Variants in IL1RAPL1 observed in about 807,000 individuals in gnomAD.
The protein encoded by IL1RAPL1 is interleukin-1 receptor accessory protein-like 1.
In IL1RAPL1, 3 loss-of-function variants were observed where a neutral mutation model predicts 48.4. The ratio of observed to expected loss-of-function variants is 0.06; its 90% CI spans 0.03 to 0.16. The LOEUF is 0.16. Among genes scored for constraint, IL1RAPL1 ranks in the 10% least tolerant of loss-of-function variants. The pLI is 1.00. For missense variants in IL1RAPL1, 349 were observed against 530.6 expected (o/e 0.66, Z 3.36); for synonymous variants, 185 against 187.7 (o/e 0.99, Z 0.12).
At chrX:28,801,355 A>G (rs1936673288) in intron 2 of IL1RAPL1, among the ~76,000 whole-genome samples, 1 of 111,400 alleles carries the variant, frequency 9.0e-6, no homozygotes, top group Non-Finnish European at 1.9e-5. Context: ...TTTTTTTCCA[A>G]TCAAAAACTT....
intron 5 of IL1RAPL1, among the ~76,000 whole-genome samples, chrX:29,666,532 C>G (rs956102008): frequency 4.7e-5 from 5 of 107,404 alleles, no homozygotes; most frequent in African/African-American, 1.7e-4. Context: ...TAAAGAATTC[C>G]TTTACTAACA....
intron 2 of IL1RAPL1, among the ~76,000 whole-genome samples, chrX:29,057,038 G>A (rs1013728814): frequency 1.8e-5 from 2 of 111,747 alleles, no homozygotes; most frequent in Non-Finnish European, 3.8e-5. Flanking sequence ...TATACCCGTG[G>A]GGTAATTTCT....
At chrX:29,233,076 G>C (rs1032370646) in intron 2 of IL1RAPL1, among the ~76,000 whole-genome samples, 2 of 111,683 alleles carry the variant, frequency 1.8e-5, no homozygotes, top group Admixed American at 1.9e-4. Flanking sequence ...TGAAATTACA[G>C]GTGTGAGCCA....
At chrX:29,578,732 G>A (rs1210167529) in intron 5 of IL1RAPL1, among the ~76,000 whole-genome samples, 15 of 111,385 alleles carry the variant, frequency 1.3e-4, no homozygotes, top group Non-Finnish European at 9.4e-5. Context: ...TTATAATCTT[G>A]TACCTCTAGT....
chrX:28,612,950 A>G (rs1458750541), intron 1 of IL1RAPL1, among the ~76,000 whole-genome samples: 1 of 112,069 alleles, frequency 8.9e-6, no homozygotes, highest in Non-Finnish European at 1.9e-5. Context: ...TGGCAATGCT[A>G]TCAAAAATAT....
chrX:29,160,982 C>A (rs998111743), intron 2 of IL1RAPL1, among the ~76,000 whole-genome samples: 2 of 110,128 alleles, frequency 1.8e-5, no homozygotes, highest in Admixed American at 1.9e-4. Context: ...CGCTTGAGCC[C>A]GGGAGGCGGA....
At chrX:29,122,574 C>T (rs748575926) in intron 2 of IL1RAPL1, among the ~76,000 whole-genome samples, 1 of 108,407 alleles carries the variant, frequency 9.2e-6, no homozygotes, top group African/African-American at 3.4e-5. Flanking sequence ...TTTCAGGCTC[C>T]TAGGAAAGCA....
At chrX:29,180,397 A>G (rs1930120091) in intron 2 of IL1RAPL1, among the ~76,000 whole-genome samples, 1 of 109,753 alleles carries the variant, frequency 9.1e-6, no homozygotes, top group African/African-American at 3.3e-5. Context: ...ATTTTTTGAG[A>G]TGGAGTTTTG....
At chrX:29,845,482 G>T (rs1007648548) in intron 6 of IL1RAPL1, among the ~76,000 whole-genome samples, 1 of 111,588 alleles carries the variant, frequency 9.0e-6, no homozygotes, top group Non-Finnish European at 1.9e-5. Context: ...CTGAAATGTA[G>T]TGTTTCTGGG....
chrX:28,804,339 G>C lies in IL1RAPL1; in HGVS notation c.82+14914G>C, dbSNP rs1339782354. Among the ~76,000 whole-genome samples the C allele has an allele frequency of 2.7e-5, 3 of 111,675 alleles. No homozygotes were observed. In the Admixed American group the frequency reaches 2.9e-4, roughly 11 times the overall value. Reference sequence around the variant, plus strand: ...ACCTTGCAAAAAATAAGTGATATGAGATATCATACATGTATAGTATATTAC... The same window carrying C: ...ACCTTGCAAAAAATAAGTGATATGACATATCATACATGTATAGTATATTAC... On this transcript the variant is annotated intron_variant, in intron 2 of 10. Coordinates refer to ENST00000378993, the MANE Select transcript of IL1RAPL1 (RefSeq NM_014271.4).
At chrX:29,628,707 C>T (rs1000634517) in intron 5 of IL1RAPL1, among the ~76,000 whole-genome samples, 1 of 112,039 alleles carries the variant, frequency 8.9e-6, no homozygotes, top group Non-Finnish European at 1.9e-5. Context: ...CTTTCTATCC[C>T]GTTGGGTTAC....
chrX:29,108,887 A>T (rs1259019009), intron 2 of IL1RAPL1, among the ~76,000 whole-genome samples: 2 of 111,609 alleles, frequency 1.8e-5, no homozygotes, highest in African/African-American at 3.3e-5. Context: ...TTCAATGAAG[A>T]TTCATGAAAA....
intron 2 of IL1RAPL1, among the ~76,000 whole-genome samples, chrX:28,847,985 A>G (rs1197253965): frequency 8.9e-6 from 1 of 112,112 alleles, no homozygotes; most frequent in Non-Finnish European, 1.9e-5. Flanking sequence ...CTATGCAGCC[A>G]TAAAAAGAAC....
At chrX:29,210,314 T>C (rs773641545) in intron 2 of IL1RAPL1, among the ~76,000 whole-genome samples, 2 of 111,861 alleles carry the variant, frequency 1.8e-5, no homozygotes, top group Non-Finnish European at 3.8e-5. Flanking sequence ...TTTACTGTTA[T>C]ATTTTGGGAA....
At chrX:29,176,351 A>G (rs1425820067) in intron 2 of IL1RAPL1, among the ~76,000 whole-genome samples, 1 of 104,877 alleles carries the variant, frequency 9.5e-6, no homozygotes, top group Admixed American at 1.0e-4. Context: ...TGATCCATCC[A>G]CCCATGTAGG....
chrX:29,614,489 A>G (rs1924215367), intron 5 of IL1RAPL1, among the ~76,000 whole-genome samples: 2 of 112,820 alleles, frequency 1.8e-5, no homozygotes, highest in South Asian at 7.3e-4. Context: ...AACTCATTTA[A>G]TATCCTTCTG....
At chrX:28,729,320 G>T (rs1305743430) in intron 1 of IL1RAPL1, among the ~76,000 whole-genome samples, 2 of 111,361 alleles carry the variant, frequency 1.8e-5, no homozygotes, top group Non-Finnish European at 3.8e-5. Flanking sequence ...TCCAGAATTA[G>T]TGCATGAAGG....
At chrX:29,885,037 C>A (rs1287720090) in intron 6 of IL1RAPL1, among the ~76,000 whole-genome samples, 1 of 106,092 alleles carries the variant, frequency 9.4e-6, no homozygotes, top group South Asian at 3.9e-4. Context: ...GTGAATTCTT[C>A]ATCCCCCCGT....
intron 3 of IL1RAPL1, among the ~76,000 whole-genome samples, chrX:29,333,761 C>G: frequency 1.4e-5 from 1 of 71,545 alleles, no homozygotes; most frequent in Non-Finnish European, 2.7e-5. Context: ...TGGGGGCTGA[C>G]CCCCCCCACC....
Sources: gnomAD v4.1 joint callset for allele counts (sites outside exome capture counted in the v4.1 genomes callset) on GRCh38, gnomAD v4.1.1 for gene constraint, MANE v1.5 for transcripts, NCBI Gene and HGNC (gene_info 2026-07-23, HGNC 2026-07-21) for gene names.